The following NREP variants were observed in gnomAD, a reference collection of about 807,000 sequenced individuals.
NREP encodes neuronal regeneration-related protein.
Under a neutral mutation model 8.6 loss-of-function variants are expected in NREP, and 5 were observed. The ratio of observed to expected loss-of-function variants is 0.58; its 90% CI spans 0.30 to 1.22. The LOEUF is 1.22. Ranked by LOEUF, NREP falls within the 50% of genes most tolerant of loss-of-function variation. The pLI, the probability that NREP is intolerant of heterozygous loss-of-function variation, is 0.07. For synonymous variants in NREP, 27 were observed against 28.0 expected (o/e 0.96, Z 0.11); for missense variants, 86 against 82.5 (o/e 1.04, Z -0.17).
At chr5:111,910,437 T>C (rs1754881104) in intron 2 of NREP, among the ~76,000 whole-genome samples, 1 of 152,004 alleles carries the variant, frequency 6.6e-6, no homozygotes, top group Non-Finnish European at 1.5e-5. Flanking sequence ...TGGGGGGTAC[T>C]AGTGGCAGGG....
intron 2 of NREP, among the ~76,000 whole-genome samples, chr5:111,799,221 T>C (rs115914243): frequency 0.014 from 2,146 of 152,280 alleles, 60 homozygotes; most frequent in African/African-American, 0.05. Flanking sequence ...AGATTTGTTC[T>C]CTTTGCTTTG....
At chr5:111,852,233 AAGTGAGGGAGTGTTATGTGATTTTT>A (rs1237681181) in intron 2 of NREP, among the ~76,000 whole-genome samples, 1 of 152,180 alleles carries the variant, frequency 6.6e-6, no homozygotes, top group Non-Finnish European at 1.5e-5. Flanking sequence ...GAAGGATGGC[AAGTGAGGGAGTGTTATGTGATTTTT>A]CTAGCTTCAC....
intron 2 of NREP, among the ~76,000 whole-genome samples, chr5:111,807,775 G>A (rs917999232): frequency 3.3e-5 from 5 of 152,136 alleles, no homozygotes; most frequent in African/African-American, 1.2e-4. Flanking sequence ...TTCCATGAAT[G>A]AAATTAACCC....
chr5:111,938,832 C>T (rs944295776), intron 2 of NREP, among the ~76,000 whole-genome samples: 3 of 152,046 alleles, frequency 2.0e-5, no homozygotes, highest in African/African-American at 7.2e-5. Flanking sequence ...CCCATGAACT[C>T]TAACAACACT....
At chr5:111,821,036 G>C (rs1214877643) in intron 2 of NREP, among the ~76,000 whole-genome samples, 1 of 152,172 alleles carries the variant, frequency 6.6e-6, no homozygotes, top group Non-Finnish European at 1.5e-5. Context: ...GGGTAGGTCT[G>C]AAGTCAGTGT....
At chr5:111,853,040 G>A (rs1250805811) in intron 2 of NREP, among the ~76,000 whole-genome samples, 1 of 152,080 alleles carries the variant, frequency 6.6e-6, no homozygotes, top group Non-Finnish European at 1.5e-5. Flanking sequence ...TATATATCCT[G>A]GTTGTGGTGA....
intron 2 of NREP, among the ~76,000 whole-genome samples, chr5:111,913,488 G>T (rs1320252547): frequency 6.6e-6 from 1 of 152,064 alleles, no homozygotes; most frequent in Non-Finnish European, 1.5e-5. Flanking sequence ...AAAGGAAGTT[G>T]AAAAGATTCA....
intron 2 of NREP, among the ~76,000 whole-genome samples, chr5:111,743,156 G>GA (rs60591292): frequency 6.6e-6 from 1 of 151,716 alleles, no homozygotes; most frequent in African/African-American, 2.4e-5. Context: ...CAAACAATGG[G>GA]AAAAAAATAA....
intron 2 of NREP, among the ~76,000 whole-genome samples, chr5:111,794,045 G>A (rs1751818412): frequency 6.6e-6 from 1 of 152,152 alleles, no homozygotes; most frequent in African/African-American, 2.4e-5. Context: ...AAGACCCTAT[G>A]AGAAGAAATA....
At chr5:111,827,332 C>T (rs1215027824) in intron 2 of NREP, among the ~76,000 whole-genome samples, 1 of 152,224 alleles carries the variant, frequency 6.6e-6, no homozygotes, top group Admixed American at 6.5e-5. Context: ...CAACATGTTA[C>T]ACCAGAAGGG....
intron 2 of NREP, among the ~76,000 whole-genome samples, chr5:111,890,358 G>C (rs1434481896): frequency 6.6e-6 from 1 of 152,226 alleles, no homozygotes; most frequent in African/African-American, 2.4e-5. Context: ...AGAGGTTGTA[G>C]TTGAATGCCT....
intron 2 of NREP, among the ~76,000 whole-genome samples, chr5:111,798,540 CA>C (rs1336836189): frequency 1.3e-5 from 2 of 152,132 alleles, no homozygotes; most frequent in Non-Finnish European, 2.9e-5. Flanking sequence ...CCCGAGTCCC[CA>C]AAGTCCAATA....
intron 2 of NREP, among the ~76,000 whole-genome samples, chr5:111,833,225 G>A (rs546583433): frequency 1.4e-4 from 21 of 152,266 alleles, no homozygotes; most frequent in Non-Finnish European, 2.6e-4. Flanking sequence ...GTTACTCAAG[G>A]AAAATCCTCA....
chr5:111,838,982 G>A (rs1752961715), intron 2 of NREP, among the ~76,000 whole-genome samples: 1 of 151,874 alleles, frequency 6.6e-6, no homozygotes, highest in Non-Finnish European at 1.5e-5. Flanking sequence ...TGTTTCAATG[G>A]GGGAAAATGT....
intron 2 of NREP, among the ~76,000 whole-genome samples, chr5:111,746,019 A>G (rs1052765849): frequency 1.3e-5 from 2 of 152,170 alleles, no homozygotes; most frequent in Non-Finnish European, 2.9e-5. Context: ...CAGGTAGAGT[A>G]CTGTATTCAA....
At chr5:111,765,471 G>T (rs971644384) in intron 2 of NREP, among the ~76,000 whole-genome samples, 2 of 152,192 alleles carry the variant, frequency 1.3e-5, no homozygotes, top group African/African-American at 2.4e-5. Flanking sequence ...TACAGGCACT[G>T]TTAGCTCAAG....
chr5:111,781,429 A>C (rs1450792177), intron 2 of NREP, among the ~76,000 whole-genome samples: 1 of 152,064 alleles, frequency 6.6e-6, no homozygotes, highest in African/African-American at 2.4e-5. Flanking sequence ...TAACCACTAA[A>C]AATGTGGGCA....
At chr5:111,791,726 G>A (rs567772869) in intron 2 of NREP, among the ~76,000 whole-genome samples, 6 of 152,264 alleles carry the variant, frequency 3.9e-5, no homozygotes, top group South Asian at 2.1e-4. Flanking sequence ...TCCTGCCTCC[G>A]CCTCCCAAAG....
At chr5:111,906,808 ATCT>A (rs770841363) in intron 2 of NREP, among the ~76,000 whole-genome samples, 14 of 152,104 alleles carry the variant, frequency 9.2e-5, no homozygotes, top group Non-Finnish European at 1.8e-4. Flanking sequence ...GCATCTAAGT[ATCT>A]TCTTTGGTGA....
Sources: allele counts gnomAD v4.1 joint callset (sites outside exome capture counted in the v4.1 genomes callset), GRCh38; gene constraint gnomAD v4.1.1; transcripts MANE v1.5; gene names NCBI Gene and HGNC (gene_info 2026-07-23, HGNC 2026-07-21).